The following EPHA3 variants were observed in gnomAD, a reference collection of about 807,000 sequenced individuals.
EPHA3 encodes the protein EPH receptor A3.
In EPHA3, 42 loss-of-function variants were observed where a neutral mutation model predicts 107.1. That is an observed-to-expected ratio of 0.39 (90% CI 0.31 to 0.51). The LOEUF (loss-of-function observed/expected upper bound fraction) is 0.51, where lower values mean the gene tolerates loss of function less well. Among genes scored for constraint, EPHA3 ranks in the 20% least tolerant of loss-of-function variants. EPHA3 has a pLI of 0.78. For missense variants in EPHA3, 1,183 were observed against 1,211.2 expected (o/e 0.98, Z 0.35); for synonymous variants, 461 against 424.8 (o/e 1.09, Z -1.05).
At chr3:89,128,001 T>A (rs1340989356) in intron 2 of EPHA3, among the ~76,000 whole-genome samples, 1 of 152,134 alleles carries the variant, frequency 6.6e-6, no homozygotes, top group Non-Finnish European at 1.5e-5. Context: ...CCTACACAAT[T>A]GTGTAATAAA....
At chr3:89,251,263 A>G (rs1705160145) in intron 3 of EPHA3, among the ~76,000 whole-genome samples, 1 of 152,074 alleles carries the variant, frequency 6.6e-6, no homozygotes, top group African/African-American at 2.4e-5. Context: ...AAAACAAATA[A>G]ACCCTCTTGA....
At chr3:89,155,557 T>A (rs1448097398) in intron 2 of EPHA3, among the ~76,000 whole-genome samples, 2 of 152,084 alleles carry the variant, frequency 1.3e-5, no homozygotes, top group Non-Finnish European at 2.9e-5. Flanking sequence ...CCATTTTGAT[T>A]TTCATGGTGG....
rs1188537096 is a variant in EPHA3 at position 89,341,880 on chromosome 3, T to C, written c.1096T>C (p.Cys366Arg). ...TACCTTCAACATCATATGTAAAAAA[T>C]GTGGGTGGAATATAAAACAGTGTGA... ...DVTFNIICKK[C>R]GWNIKQCEPC... The change falls in exon 5 of 17, where the codon TGT becomes CGT. Residue 366 changes from cysteine to arginine, a missense_variant. By Grantham distance (180) the Cys-to-Arg change is radical. Transcript: ENST00000336596. 3 of 1,613,610 alleles carry C rather than the reference T, an allele frequency of 1.9e-6. No homozygotes were observed. Among genetic ancestry groups the C allele is most frequent in the Non-Finnish European group, 2.5e-6 (3 of 1,179,914 alleles).
chr3:89,378,039 A>T (rs953596916), intron 5 of EPHA3, among the ~76,000 whole-genome samples: 1 of 152,104 alleles, frequency 6.6e-6, no homozygotes, highest in Non-Finnish European at 1.5e-5. Flanking sequence ...GCATGGTCTC[A>T]CTCATAAGTG....
chr3:89,199,166 G>A (rs1705910971), intron 2 of EPHA3, among the ~76,000 whole-genome samples: 1 of 151,982 alleles, frequency 6.6e-6, no homozygotes, highest in Non-Finnish European at 1.5e-5. Flanking sequence ...TGTCAACAGT[G>A]TATTTTTTTC....
Position 89,449,236 on chromosome 3 carries a change from C to A in EPHA3, c.2358C>A (p.Ile786=), listed in dbSNP as rs2107553231. The A allele has an allele frequency of 6.2e-7, 1 of 1,603,646 alleles. No homozygotes were observed. The highest frequency in any genetic ancestry group is 1.7e-5 in the Admixed American group (1 of 59,820). Residue 786 remains isoleucine, a synonymous_variant, in exon 14 of 17, where the codon ATC becomes ATA. Coordinates refer to ENST00000336596, the MANE Select transcript of EPHA3 (RefSeq NM_005233.6). ...EAAYTTRGGK[I]PIRWTSPEAI... is the part of the protein sequence containing the mutation. ...TTTTATATTCAAAGGGAGGGAAGAT[C>A]CCAATCAGGTGGACATCACCAGAAG...
intron 3 of EPHA3, among the ~76,000 whole-genome samples, chr3:89,267,014 CT>C (rs1485221592): frequency 1.3e-5 from 2 of 152,020 alleles, no homozygotes; most frequent in African/African-American, 4.8e-5. Context: ...CTAATGTTTT[CT>C]ACCACTTCTC....
intron 1 of EPHA3, among the ~76,000 whole-genome samples, chr3:89,115,727 A>T (rs1047118608): frequency 2.0e-5 from 3 of 152,204 alleles, no homozygotes; most frequent in Non-Finnish European, 4.4e-5. Flanking sequence ...AAAATAGGTA[A>T]CATAATGTTT....
intron 15 of EPHA3, among the ~76,000 whole-genome samples, chr3:89,457,589 G>T (rs1413417947): frequency 6.6e-6 from 1 of 152,162 alleles, no homozygotes; most frequent in African/African-American, 2.4e-5. Flanking sequence ...CATGAAACTG[G>T]CCCCTGGTGC....
intron 3 of EPHA3, among the ~76,000 whole-genome samples, chr3:89,240,728 A>G (rs1184355943): frequency 4.6e-5 from 7 of 152,024 alleles, no homozygotes; most frequent in African/African-American, 1.7e-4. Context: ...ATCTAACTAA[A>G]CTATAGAAAA....
At chr3:89,218,970 A>G (rs1419073712) in intron 3 of EPHA3, among the ~76,000 whole-genome samples, 2 of 152,148 alleles carry the variant, frequency 1.3e-5, no homozygotes, top group African/African-American at 4.8e-5. Flanking sequence ...TCTAAAGGAG[A>G]TATGAACTGA....
rs1195771286 is a variant in EPHA3 at position 89,387,940 on chromosome 3, T to A, written c.1307-7897T>A. 2.6e-5 allele frequency among the ~76,000 whole-genome samples: 4 copies of A among 152,184 alleles called. No homozygotes were observed. The East Asian group carries it at 7.7e-4, about 29-fold the overall frequency. On this transcript the variant is annotated intron_variant, in intron 5 of 16. Transcript: ENST00000336596. The stretch of plus-strand genomic sequence containing the variant: ...TGATTAAAATTTTGGAGTTTTAGTC[T>A]TTAGAAAAGACTAAATCTTGTGTAT...
At chr3:89,198,763 A>T (rs4132274) in intron 2 of EPHA3, among the ~76,000 whole-genome samples, 21,890 of 152,226 alleles carry the variant, frequency 0.14, 1,723 homozygotes, top group African/African-American at 0.22. Context: ...GTAAATTGCT[A>T]TGAATTACTG....
At chr3:89,283,690 C>T (rs1422419078) in intron 3 of EPHA3, among the ~76,000 whole-genome samples, 2 of 152,036 alleles carry the variant, frequency 1.3e-5, no homozygotes, top group Non-Finnish European at 2.9e-5. Flanking sequence ...CATATTATAA[C>T]TCTTCAGATA....
intron 2 of EPHA3, among the ~76,000 whole-genome samples, chr3:89,137,739 A>G (rs1704346012): frequency 1.3e-5 from 2 of 152,022 alleles, no homozygotes. Context: ...CATGTGACAT[A>G]AGAAGAAAAA....
intron 10 of EPHA3, 138 bp downstream of exon 10, chr3:89,413,404 T>C: frequency 9.0e-7 from 1 of 1,105,388 alleles, no homozygotes; most frequent in Non-Finnish European, 1.3e-6. Flanking sequence ...ATAAGTGCAA[T>C]ATTTAATGGA....
intron 3 of EPHA3, among the ~76,000 whole-genome samples, chr3:89,282,004 C>A (rs1359187093): frequency 6.6e-6 from 1 of 152,130 alleles, no homozygotes; most frequent in Non-Finnish European, 1.5e-5. Flanking sequence ...ATCAAAGATG[C>A]AGATTATGTC....
At chr3:89,361,499 A>G (rs1708090272) in intron 5 of EPHA3, among the ~76,000 whole-genome samples, 1 of 151,044 alleles carries the variant, frequency 6.6e-6, no homozygotes, top group South Asian at 2.1e-4. Context: ...GTCCCATTAC[A>G]TATTAGATAC....
chr3:89,247,896 G>A lies in EPHA3; in HGVS notation c.814+37376G>A, dbSNP rs182640590. Among the ~76,000 whole-genome samples, 562 of 152,262 alleles carry A rather than the reference G, an allele frequency of 3.7e-3. 1 individual carries two copies. Among genetic ancestry groups the A allele is most frequent in the Non-Finnish European group, 5.2e-3 (356 of 68,006 alleles). On this transcript the variant is annotated intron_variant, in intron 3 of 16. Transcript: ENST00000336596. ...GACTAAAAAAAGTAGAGACAGTGCTGATGTAAGGACCTTGGGCAATGCAGA... is the reference window on the plus strand; with the variant it reads ...GACTAAAAAAAGTAGAGACAGTGCTAATGTAAGGACCTTGGGCAATGCAGA...
Sources: allele counts gnomAD v4.1 joint callset (sites outside exome capture counted in the v4.1 genomes callset), GRCh38; gene constraint gnomAD v4.1.1; transcripts MANE v1.5; gene names NCBI Gene and HGNC (gene_info 2026-07-23, HGNC 2026-07-21).